The following CNTNAP5 variants were observed in gnomAD, a reference collection of about 807,000 sequenced individuals.
CNTNAP5 encodes contactin-associated protein-like 5.
In CNTNAP5, 72 loss-of-function variants were observed where a neutral mutation model predicts 150.2. That is an observed-to-expected ratio of 0.48 (90% CI 0.40 to 0.58). The LOEUF (loss-of-function observed/expected upper bound fraction) is 0.58, where lower values mean the gene tolerates loss of function less well. Ranked by LOEUF, CNTNAP5 falls within the 20% of genes least tolerant of loss-of-function variation. The probability of loss-of-function intolerance (pLI) is 0.00; values close to 1 mark genes in which losing one functional copy is unlikely to be tolerated. For synonymous variants in CNTNAP5, 672 were observed against 619.8 expected, an observed-to-expected ratio of 1.08 and a Z score of -1.25; for missense variants, 1,636 against 1,626.2, an observed-to-expected ratio of 1.01 and a Z score of -0.10.
At chr2:124,099,075 T>C (rs1045365042) in intron 1 of CNTNAP5, among the ~76,000 whole-genome samples, 5 of 152,212 alleles carry the variant, frequency 3.3e-5, no homozygotes, top group Admixed American at 2.6e-4. Flanking sequence ...AAGATCTGCC[T>C]ATTTCTTCAG....
chr2:124,174,318 G>T (rs553927298), intron 1 of CNTNAP5, among the ~76,000 whole-genome samples: 2 of 152,268 alleles, frequency 1.3e-5, no homozygotes, highest in Admixed American at 6.5e-5. Flanking sequence ...GGCTATAGCT[G>T]CCAGTTAGTG....
chr2:124,337,854 C>T (rs1304891256), intron 3 of CNTNAP5, among the ~76,000 whole-genome samples: 2 of 151,890 alleles, frequency 1.3e-5, no homozygotes, highest in East Asian at 3.9e-4. Context: ...CTTGGTGATG[C>T]GGGCTCTTTT....
chr2:124,683,367 A>G (rs956745799), intron 13 of CNTNAP5, among the ~76,000 whole-genome samples: 1 of 152,234 alleles, frequency 6.6e-6, no homozygotes, highest in Non-Finnish European at 1.5e-5. Flanking sequence ...GCTGAACTGT[A>G]AAACTTTTTT....
At chr2:124,716,741 T>G (rs1386186869) in intron 13 of CNTNAP5, among the ~76,000 whole-genome samples, 1 of 152,118 alleles carries the variant, frequency 6.6e-6, no homozygotes, top group African/African-American at 2.4e-5. Flanking sequence ...AACTGCTAGA[T>G]GAAGAGTAAA....
intron 13 of CNTNAP5, among the ~76,000 whole-genome samples, chr2:124,733,938 A>G (rs1018790596): frequency 6.6e-5 from 10 of 152,098 alleles, no homozygotes; most frequent in African/African-American, 2.4e-4. Flanking sequence ...TTTGTTGAAT[A>G]GAGTATTAAA....
chr2:124,840,806 T>C (rs1388065140), intron 19 of CNTNAP5, among the ~76,000 whole-genome samples: 1 of 152,126 alleles, frequency 6.6e-6, no homozygotes, highest in Admixed American at 6.6e-5. Flanking sequence ...CTTTCATTTA[T>C]GAAAGTGCCT....
At chr2:124,314,029 G>A (rs1164592203) in intron 3 of CNTNAP5, among the ~76,000 whole-genome samples, 2 of 152,212 alleles carry the variant, frequency 1.3e-5, no homozygotes, top group Admixed American at 1.3e-4. Context: ...AGCTTTTGAT[G>A]TGTTGGCCCA....
chr2:124,242,284 T>C lies in CNTNAP5; in HGVS notation c.272T>C (p.Val91Ala). The C allele has an allele frequency of 6.2e-7, 1 of 1,611,328 alleles. No individual in the cohort carries two copies. The change falls in exon 3 of 24, where the codon GTG (valine) becomes GCG (alanine). Residue 91 changes from valine (V) to alanine (A), a missense_variant. Coordinates refer to ENST00000682447, the MANE Select transcript of CNTNAP5 (RefSeq NM_001367498.1). ...GGAAACAGAGTAGAGATTACAGCAG[T>C]GGCCACGCAGGGAAGATACGGAAGC... ...DLGNRVEITA[V>A]ATQGRYGSSD...
At chr2:124,837,845 A>C (rs1025037045) in intron 19 of CNTNAP5, among the ~76,000 whole-genome samples, 1 of 152,140 alleles carries the variant, frequency 6.6e-6, no homozygotes. Flanking sequence ...AATTGTACAC[A>C]TTCAATTGAT....
intron 4 of CNTNAP5, among the ~76,000 whole-genome samples, chr2:124,419,608 G>T (rs1182572240): frequency 6.6e-6 from 1 of 152,180 alleles, no homozygotes; most frequent in African/African-American, 2.4e-5. Flanking sequence ...CAGGTCTAGT[G>T]CATCTTCCAA....
intron 18 of CNTNAP5, among the ~76,000 whole-genome samples, chr2:124,796,905 T>C (rs1450423485): frequency 6.6e-6 from 1 of 152,216 alleles, no homozygotes; most frequent in African/African-American, 2.4e-5. Context: ...TGTATAGAGA[T>C]AAAATTTAAA....
At chr2:124,345,985 T>G (rs565311911) in intron 3 of CNTNAP5, among the ~76,000 whole-genome samples, 1 of 152,346 alleles carries the variant, frequency 6.6e-6, no homozygotes, top group Admixed American at 6.5e-5. Context: ...CTAATGCTGT[T>G]TTTTAATCAA....
intron 13 of CNTNAP5, among the ~76,000 whole-genome samples, chr2:124,668,696 G>A (rs1211658034): frequency 6.6e-6 from 1 of 152,140 alleles, no homozygotes; most frequent in Admixed American, 6.5e-5. Flanking sequence ...TATACCATTA[G>A]CACTTAAAAT....
At chr2:124,068,161 T>G (rs761137789) in intron 1 of CNTNAP5, among the ~76,000 whole-genome samples, 3 of 151,990 alleles carry the variant, frequency 2.0e-5, no homozygotes, top group Non-Finnish European at 2.9e-5. Context: ...CCTATATCTT[T>G]CTTCATATGG....
Position 124,798,132 on chromosome 2 carries a change from C to T in CNTNAP5, c.3029C>T (p.Thr1010Ile). 1 of 1,613,358 alleles carries T rather than the reference C, an allele frequency of 6.2e-7. No homozygotes were observed. ...GTTTTTGAGGCTGGCACGTCGGTTA[C>T]TTACATGTTTCAAGAACCCTATCCT... Reference protein sequence around the residue: ...SAVFEAGTSVTYMFQEPYPVT... With the variant: ...SAVFEAGTSVIYMFQEPYPVT... The change falls in exon 19 of 24, where the codon ACT becomes ATT. Residue 1010 changes from threonine to isoleucine, a missense_variant. By Grantham distance (89) the Thr-to-Ile change is moderately conservative. Coordinates refer to ENST00000682447, the MANE Select transcript of CNTNAP5 (RefSeq NM_001367498.1).
chr2:124,441,242 C>T (rs984662616), intron 5 of CNTNAP5, among the ~76,000 whole-genome samples: 3 of 151,946 alleles, frequency 2.0e-5, no homozygotes, highest in Admixed American at 2.0e-4. Flanking sequence ...ACTTGTAATT[C>T]CCAAGAGACT....
intron 4 of CNTNAP5, among the ~76,000 whole-genome samples, chr2:124,419,994 T>TC (rs1692057939): frequency 1.5e-5 from 2 of 131,530 alleles, no homozygotes; most frequent in Admixed American, 1.5e-4. Flanking sequence ...CTTTCTTTTT[T>TC]TTTTTTTTTT....
chr2:124,092,454 C>A (rs1286939909), intron 1 of CNTNAP5, among the ~76,000 whole-genome samples: 1 of 152,182 alleles, frequency 6.6e-6, no homozygotes, highest in Non-Finnish European at 1.5e-5. Context: ...CACATATAGT[C>A]CATGGGCCAA....
chr2:124,065,701 C>T (rs910616256), intron 1 of CNTNAP5, among the ~76,000 whole-genome samples: 4 of 152,150 alleles, frequency 2.6e-5, no homozygotes, highest in Admixed American at 2.0e-4. Context: ...GGAAGAATGG[C>T]TGTACCAACC....
Sources: gnomAD v4.1 joint callset for allele counts (sites outside exome capture counted in the v4.1 genomes callset) on GRCh38, gnomAD v4.1.1 for gene constraint, MANE v1.5 for transcripts, NCBI Gene and HGNC (gene_info 2026-07-23, HGNC 2026-07-21) for gene names.